EXD1: variants seen among roughly 807,000 people sequenced by gnomAD.
EXD1 encodes the protein piRNA biogenesis protein EXD1.
In EXD1, 63 loss-of-function variants were observed where a neutral mutation model predicts 49.1. That is an observed-to-expected ratio of 1.28 (90% CI 1.05 to 1.58). The LOEUF (loss-of-function observed/expected upper bound fraction) is 1.58, where lower values mean the gene tolerates loss of function less well. Among genes scored for constraint, EXD1 ranks in the 40% most tolerant of loss-of-function variants. The probability of loss-of-function intolerance (pLI) is 0.00; values close to 1 mark genes in which losing one functional copy is unlikely to be tolerated. For synonymous variants in EXD1, 234 were observed against 239.2 expected (o/e 0.98, Z 0.20); for missense variants, 748 against 666.0 (o/e 1.12, Z -1.36).
At chr15:41,211,741 CT>C (rs2046924210) in intron 6 of EXD1, among the ~76,000 whole-genome samples, 2 of 146,338 alleles carry the variant, frequency 1.4e-5, no homozygotes, top group South Asian at 2.1e-4. Flanking sequence ...AGACAGACTG[CT>C]TGAGTCCAGG....
intron 9 of EXD1, among the ~76,000 whole-genome samples, chr15:41,194,306 G>A (rs28493087): frequency 0.21 from 31,632 of 151,914 alleles, 3,609 homozygotes; most frequent in Non-Finnish European, 0.26. Context: ...CCACCGTGCC[G>A]GGCCTGAAAA....
chr15:41,191,475 G>A lies in EXD1; in HGVS notation c.831C>T (p.Leu277=), dbSNP rs2046514602. The change falls in exon 10 of 12, where the codon CTC becomes CTT. Residue 277 remains leucine (L), a synonymous_variant. Transcript: ENST00000458580. ...GTTTTTGTCTCTTTTCTAGAAAGGA[G>A]AGATATTTAGGGGCTACTTGAAGGT... is the stretch of plus-strand genomic sequence containing the variant. ...IKHLQVAPKY[L]SFLEKRQKLI... 6.2e-7 allele frequency: 1 copy of A among 1,612,122 alleles called. No homozygotes were observed. Among genetic ancestry groups the A allele is most frequent in the Non-Finnish European group, 8.5e-7 (1 of 1,178,426 alleles).
chr15:41,184,153 T>C lies in EXD1; in HGVS notation c.1497A>G (p.Leu499=). 1.9e-6 allele frequency: 3 copies of C among 1,614,220 alleles called. No individual in the cohort carries two copies. Among genetic ancestry groups the C allele is most frequent in the Middle Eastern group, 1.6e-4 (1 of 6,062 alleles). The change falls in exon 12 of 12, where the codon TTA becomes TTG. Residue 499 remains leucine, a synonymous_variant. Coordinates refer to ENST00000458580, the MANE Select transcript of EXD1 (RefSeq NM_001286441.2). ...MTPKHEFQAS[L]SLKEETEQLL... is the part of the protein sequence containing the mutation. ...ACTGTTCTGTCTCCTCTTTCAAAGA[T>C]AAACTTGCCTGAAACTCATGTTTGG...
rs1040075308 is a variant in EXD1 at position 41,225,547 on chromosome 15, TGCACTCTA to T, written c.133+888_133+895del. Among the ~76,000 whole-genome samples the T allele has an allele frequency of 3.5e-5, 5 of 144,020 alleles. No individual in the cohort carries two copies. The Admixed American group carries it at 3.6e-4, about 10-fold the overall frequency. 94.5% of individuals were successfully genotyped at this position (144,020 alleles called of 152,430 possible). A position where few individuals can be genotyped will look rare whatever the true frequency, so the allele number is the denominator to read the frequency against. On this transcript the variant is annotated intron_variant, in intron 2 of 11. Transcript: ENST00000458580. ...TTGCAGTGAGCCAAGATCGCGCCAC[TGCACTCTA>T]GCCTGGGCAACAAGAACGAGACTCA...
chr15:41,208,875 C>T (rs1017705475), intron 7 of EXD1, among the ~76,000 whole-genome samples: 2 of 151,840 alleles, frequency 1.3e-5, no homozygotes, highest in Non-Finnish European at 2.9e-5. Context: ...TGAAAAGAGA[C>T]GACACTCTTC....
intron 6 of EXD1, among the ~76,000 whole-genome samples, chr15:41,210,800 T>TA (rs2046910390): frequency 1.3e-5 from 2 of 152,328 alleles, no homozygotes; most frequent in African/African-American, 4.8e-5. Context: ...ATTTGCATGA[T>TA]AAAAGATTCT....
At chr15:41,215,914 T>C in intron 5 of EXD1, 81 bp from the exon 6 acceptor site, 1 of 1,400,062 alleles carries the variant, frequency 7.1e-7, no homozygotes. Flanking sequence ...GCCACACTCA[T>C]ATATTCCTAC....
intron 2 of EXD1, 75 bp from the exon 3 acceptor site, chr15:41,219,973 A>G: frequency 3.4e-6 from 4 of 1,179,902 alleles, no homozygotes; most frequent in Non-Finnish European, 4.7e-6. Context: ...TGCCTCTCAA[A>G]ATTTCCCAAG....
At chr15:41,192,390 G>C (rs992944099) in intron 9 of EXD1, 3 of 151,848 alleles carry the variant, frequency 2.0e-5, no homozygotes, top group Non-Finnish European at 4.4e-5. Flanking sequence ...TCCACCTCCC[G>C]GATTCAAGCA....
intron 1 of EXD1, among the ~76,000 whole-genome samples, chr15:41,228,017 T>C (rs1249489755): frequency 6.6e-6 from 1 of 152,106 alleles, no homozygotes; most frequent in African/African-American, 2.4e-5. Flanking sequence ...GCCATTGCAC[T>C]CCAGCCTGGG....
Position 41,214,751 on chromosome 15 carries a change from C to T in EXD1, c.447+1024G>A, listed in dbSNP as rs559849224. 8.9e-5 allele frequency among the ~76,000 whole-genome samples: 13 copies of T among 145,828 alleles called. 1 individual carries two copies. In the South Asian group the frequency reaches 2.4e-3, roughly 27 times the overall value. ...GCTAATTCCACTTTTAAGTTCTTCA[C>T]TTTTTTTTTTTTGAGATGGAGTCTC... On this transcript the variant is annotated intron_variant, in intron 6 of 11. Coordinates refer to ENST00000458580, the MANE Select transcript of EXD1 (RefSeq NM_001286441.2).
In EXD1 at chr15:41,222,300, C is replaced by A. The variant is rs12438295; in HGVS notation, c.134-2402G>T. Among the ~76,000 whole-genome samples, 346 of 152,234 alleles carry A rather than the reference C, an allele frequency of 2.3e-3. 7 individuals carry two copies. Among genetic ancestry groups the A allele is most frequent in the Admixed American group, 0.021 (319 of 15,294 alleles). ...GTGCGGTGGCATGCACCTGTAATCCCAGCTGTTCAGAGGCCAAGGCCGGAG... is the reference window on the plus strand; with the variant it reads ...GTGCGGTGGCATGCACCTGTAATCCAAGCTGTTCAGAGGCCAAGGCCGGAG... On this transcript the variant is annotated intron_variant, in intron 2 of 11. Transcript: ENST00000458580.
intron 7 of EXD1, among the ~76,000 whole-genome samples, chr15:41,199,733 A>ATAT (rs1566980638): frequency 1.1e-3 from 54 of 48,732 alleles, no homozygotes; most frequent in African/African-American, 3.8e-3. Context: ...TATATATGAT[A>ATAT]TATATGTCAT....
chr15:41,215,366 AG>A (rs2046983496), intron 6 of EXD1, among the ~76,000 whole-genome samples: 1 of 152,184 alleles, frequency 6.6e-6, no homozygotes, highest in South Asian at 2.1e-4. Context: ...TTGAATTAAT[AG>A]GAAAAAAAAT....
At chr15:41,191,672 A>G in intron 9 of EXD1, 87 bp from the exon 10 acceptor site, 2 of 1,331,096 alleles carry the variant, frequency 1.5e-6, no homozygotes, top group African/African-American at 1.5e-5. Context: ...GAAATGTCTA[A>G]ATAACATTTT....
chr15:41,225,824 G>C (rs565803263), intron 2 of EXD1, among the ~76,000 whole-genome samples: 47 of 151,052 alleles, frequency 3.1e-4, no homozygotes, highest in African/African-American at 1.1e-3. Flanking sequence ...GGAGGCGGAG[G>C]TTGCGGTGAG....
intron 7 of EXD1, among the ~76,000 whole-genome samples, chr15:41,206,686 A>G (rs2046829645): frequency 7.0e-6 from 1 of 143,548 alleles, no homozygotes; most frequent in African/African-American, 2.6e-5. Flanking sequence ...CAGTGGCACA[A>G]TCTCGGCTCA....
intron 11 of EXD1, among the ~76,000 whole-genome samples, chr15:41,189,670 A>T (rs1367610806): frequency 6.6e-6 from 1 of 151,952 alleles, no homozygotes; most frequent in Non-Finnish European, 1.5e-5. Flanking sequence ...CTCAAAAAAA[A>T]TAAATAAATA....
intron 11 of EXD1, among the ~76,000 whole-genome samples, chr15:41,184,936 G>C (rs867230487): frequency 6.6e-6 from 1 of 152,176 alleles, no homozygotes; most frequent in African/African-American, 2.4e-5. Flanking sequence ...GATTACAGTC[G>C]TGAGCCATAG....
Sources: allele counts gnomAD v4.1 joint callset (sites outside exome capture counted in the v4.1 genomes callset), GRCh38; gene constraint gnomAD v4.1.1; transcripts MANE v1.5; gene names NCBI Gene and HGNC (gene_info 2026-07-23, HGNC 2026-07-21).